UBE3C: variants seen among roughly 807,000 people sequenced by gnomAD.
The protein encoded by UBE3C is ubiquitin protein ligase E3C, also known as ubiquitin-protein ligase E3C.
UBE3C carries 42 observed loss-of-function variants against 129.4 expected under a neutral mutation model. The ratio of observed to expected loss-of-function variants is 0.32; its 90% CI spans 0.25 to 0.42. The LOEUF (loss-of-function observed/expected upper bound fraction) is 0.42. Among genes scored for constraint, UBE3C ranks in the 10% least tolerant of loss-of-function variants. The pLI is 1.00. For missense variants in UBE3C, 1,049 were observed against 1,319.1 expected, an observed-to-expected ratio of 0.80 and a Z score of 3.17; for synonymous variants, 510 against 492.4, an observed-to-expected ratio of 1.04 and a Z score of -0.47.
At chr7:157,265,981 AT>A in intron 22 of UBE3C, among the ~76,000 whole-genome samples, 1 of 152,304 alleles carries the variant, frequency 6.6e-6, no homozygotes, top group South Asian at 2.1e-4. Context: ...TGGTCTATAG[AT>A]GTTCTACCTC....
At chr7:157,163,932 T>C in intron 2 of UBE3C, 69 bp downstream of exon 2, 1 of 1,415,690 alleles carries the variant, frequency 7.1e-7, no homozygotes. Context: ...GCCTTGGTTT[T>C]ACTGTATATA....
chr7:157,255,632 A>G (rs897691626), intron 21 of UBE3C, among the ~76,000 whole-genome samples: 10 of 152,190 alleles, frequency 6.6e-5, no homozygotes, highest in African/African-American at 2.4e-4. Context: ...CACCTTTAAT[A>G]ATCTCAGCTA....
chr7:157,176,169 C>T (rs1808512483), intron 5 of UBE3C, among the ~76,000 whole-genome samples: 1 of 152,076 alleles, frequency 6.6e-6, no homozygotes, highest in African/African-American at 2.4e-5. Context: ...TTTCTAATAC[C>T]AGAAACACCT....
chr7:157,139,467 G>C (rs574151067), intron 1 of UBE3C, 129 bp downstream of exon 1: 2 of 869,286 alleles, frequency 2.3e-6, no homozygotes, highest in East Asian at 3.5e-5. Flanking sequence ...GGGCCTCCCT[G>C]GCGGGGACTC....
At chr7:157,153,303 C>T (rs966185695) in intron 1 of UBE3C, among the ~76,000 whole-genome samples, 1 of 152,128 alleles carries the variant, frequency 6.6e-6, no homozygotes, top group Non-Finnish European at 1.5e-5. Flanking sequence ...TCACATCTTG[C>T]CACTGTGAAA....
intron 10 of UBE3C, among the ~76,000 whole-genome samples, chr7:157,200,063 C>G (rs1365379027): frequency 6.6e-6 from 1 of 152,164 alleles, no homozygotes; most frequent in African/African-American, 2.4e-5. Context: ...CATAATACTT[C>G]TGAGCTGGAA....
At chr7:157,221,817 T>G (rs1795744470) in intron 15 of UBE3C, 1 of 152,224 alleles carries the variant, frequency 6.6e-6, no homozygotes, top group South Asian at 2.1e-4. Context: ...ACCAGCCGAC[T>G]AATGATATTC....
At chr7:157,141,683 C>G (rs1807455833) in intron 1 of UBE3C, among the ~76,000 whole-genome samples, 2 of 152,194 alleles carry the variant, frequency 1.3e-5, no homozygotes, top group African/African-American at 4.8e-5. Context: ...CCATGTATGT[C>G]TGTAGCCCCA....
At chr7:157,162,577 T>C (rs1267106229) in intron 1 of UBE3C, among the ~76,000 whole-genome samples, 1 of 151,532 alleles carries the variant, frequency 6.6e-6, no homozygotes, top group African/African-American at 2.4e-5. Flanking sequence ...TCTTGCTTTG[T>C]CACTCAGGCT....
chr7:157,217,022 T>C (rs1006636212), intron 14 of UBE3C, 51 bp downstream of exon 14: 7 of 1,422,268 alleles, frequency 4.9e-6, no homozygotes, highest in Non-Finnish European at 6.8e-6. Context: ...TACATTCAGC[T>C]TGTGTCTTTC....
intron 22 of UBE3C, among the ~76,000 whole-genome samples, chr7:157,261,587 T>A (rs1796916759): frequency 6.6e-6 from 1 of 152,246 alleles, no homozygotes; most frequent in South Asian, 2.1e-4. Flanking sequence ...GTTAGCTTAG[T>A]ATGCCTGGAT....
intron 18 of UBE3C, among the ~76,000 whole-genome samples, chr7:157,234,029 G>A (rs905475530): frequency 3.9e-5 from 6 of 152,094 alleles, no homozygotes; most frequent in Non-Finnish European, 8.8e-5. Flanking sequence ...TTATTGGATT[G>A]TCTTTTATTA....
At chr7:157,195,876 C>T (rs952605393) in intron 10 of UBE3C, among the ~76,000 whole-genome samples, 5 of 151,962 alleles carry the variant, frequency 3.3e-5, no homozygotes, top group African/African-American at 9.7e-5. Context: ...GGTGGCGGGG[C>T]GGGGGTTGCA....
chr7:157,163,845 A>G lies in UBE3C; in HGVS notation c.102A>G (p.Glu34=). ...EKASLLHRTQ[E]ERRKREEERR... is the part of the protein sequence containing the mutation. ...CTTCTCTTTTACATCGTACTCAGGA[A>G]GAAAGAAGAAAGAGAGAGGTAAAAA... Residue 34 remains glutamate, a synonymous_variant, in exon 2 of 23, where the codon GAA becomes GAG. Transcript: ENST00000348165. 1 of 1,613,586 alleles carries G rather than the reference A, an allele frequency of 6.2e-7. No individual in the cohort carries two copies. Among genetic ancestry groups the G allele is most frequent in the Non-Finnish European group, 8.5e-7 (1 of 1,179,716 alleles).
At chr7:157,156,967 C>T (rs900262083) in intron 1 of UBE3C, among the ~76,000 whole-genome samples, 9 of 152,074 alleles carry the variant, frequency 5.9e-5, no homozygotes, top group African/African-American at 2.2e-4. Flanking sequence ...TAGTTAATGT[C>T]TTCAGTTATA....
chr7:157,269,161 T>A lies in UBE3C; in HGVS notation c.*1406T>A, dbSNP rs1381309845. ...AGAAATAAAATAATTAGGGTTGGTCTTTTTTATTTTAGGTTGTTTTATGTT... is the reference window on the plus strand; with the variant it reads ...AGAAATAAAATAATTAGGGTTGGTCATTTTTATTTTAGGTTGTTTTATGTT... On this transcript the variant is annotated 3_prime_UTR_variant, in exon 23 of 23. Coordinates refer to ENST00000348165, the MANE Select transcript of UBE3C (RefSeq NM_014671.3). 1 of 152,460 alleles carries A rather than the reference T, an allele frequency of 6.6e-6. No homozygotes were observed. The highest frequency in any genetic ancestry group is 1.5e-5 in the Non-Finnish European group (1 of 68,030). 9.4% of individuals were successfully genotyped at this position (152,460 alleles called of 1,614,324 possible). A position where few individuals can be genotyped will look rare whatever the true frequency, so the allele number is the denominator to read the frequency against.
At chr7:157,168,874 T>C (rs965753621) in intron 2 of UBE3C, among the ~76,000 whole-genome samples, 174 bp from the exon 3 acceptor site, 22 of 152,212 alleles carry the variant, frequency 1.4e-4, no homozygotes, top group African/African-American at 4.8e-4. Flanking sequence ...GTGGTGATGG[T>C]TGCATAGCTC....
intron 1 of UBE3C, among the ~76,000 whole-genome samples, chr7:157,161,359 CAA>C (rs930019773): frequency 1.3e-5 from 2 of 151,804 alleles, no homozygotes; most frequent in African/African-American, 2.4e-5. Flanking sequence ...AAGTTTAAAA[CAA>C]TATTTTTTCT....
chr7:157,249,141 G>A (rs1796556552), intron 19 of UBE3C, among the ~76,000 whole-genome samples: 1 of 152,110 alleles, frequency 6.6e-6, no homozygotes, highest in Non-Finnish European at 1.5e-5. Flanking sequence ...TGATTGAGTG[G>A]TTTTTAGTAT....
Sources: allele counts gnomAD v4.1 joint callset (sites outside exome capture counted in the v4.1 genomes callset), GRCh38; gene constraint gnomAD v4.1.1; transcripts MANE v1.5; gene names NCBI Gene and HGNC (gene_info 2026-07-23, HGNC 2026-07-21).